Variants in PTN observed in about 807,000 individuals in gnomAD.
PTN encodes pleiotrophin.
Under a neutral mutation model 24.1 loss-of-function variants are expected in PTN, and 18 were observed. The observed-to-expected ratio is 0.75, with a 90% CI of 0.52 to 1.11. The LOEUF (loss-of-function observed/expected upper bound fraction) is 1.11. PTN is among the 50% of genes least tolerant of loss of function. The pLI, the probability that PTN is intolerant of heterozygous loss-of-function variation, is 0.00. For missense variants in PTN, 163 were observed against 198.8 expected, an observed-to-expected ratio of 0.82 and a Z score of 1.08; for synonymous variants, 78 against 68.6, an observed-to-expected ratio of 1.14 and a Z score of -0.67.
At chr7:137,292,521 C>T (rs536795703) in intron 1 of PTN, among the ~76,000 whole-genome samples, 6 of 152,290 alleles carry the variant, frequency 3.9e-5, no homozygotes, top group Admixed American at 2.0e-4. Context: ...GCTCTTCCTT[C>T]GTCTTCTGCC....
chr7:137,337,210 G>T (rs1354332256), intron 1 of PTN, among the ~76,000 whole-genome samples: 1 of 152,156 alleles, frequency 6.6e-6, no homozygotes, highest in African/African-American at 2.4e-5. Context: ...TAGGTTATTT[G>T]ACCTCTAACT....
chr7:137,296,652 G>T (rs1809722545), intron 1 of PTN, among the ~76,000 whole-genome samples: 1 of 152,016 alleles, frequency 6.6e-6, no homozygotes. Flanking sequence ...GTGGCAGGGG[G>T]TGGAGAGTAG....
intron 1 of PTN, among the ~76,000 whole-genome samples, chr7:137,272,820 T>A (rs116414203): frequency 0.016 from 2,513 of 152,334 alleles, 72 homozygotes; most frequent in African/African-American, 0.057. Flanking sequence ...ATACTGAAAG[T>A]CCACTATAGT....
chr7:137,251,982 A>C (rs1430171384), intron 3 of PTN, among the ~76,000 whole-genome samples: 1 of 151,878 alleles, frequency 6.6e-6, no homozygotes, highest in Non-Finnish European at 1.5e-5. Flanking sequence ...TACAAATAGA[A>C]CTGCTATATA....
At chr7:137,278,015 A>T (rs1809393688) in intron 1 of PTN, among the ~76,000 whole-genome samples, 1 of 152,128 alleles carries the variant, frequency 6.6e-6, no homozygotes, top group African/African-American at 2.4e-5. Context: ...TTTTTTAAAA[A>T]ATGACTACTG....
chr7:137,255,418 G>T (rs1808903995), intron 1 of PTN, among the ~76,000 whole-genome samples: 1 of 152,152 alleles, frequency 6.6e-6, no homozygotes, highest in Non-Finnish European at 1.5e-5. Context: ...GAGTAGACAT[G>T]ATGAATGAAT....
At chr7:137,331,547 C>T (rs1341695553) in intron 1 of PTN, among the ~76,000 whole-genome samples, 1 of 152,148 alleles carries the variant, frequency 6.6e-6, no homozygotes, top group African/African-American at 2.4e-5. Context: ...GCCAGTTGTT[C>T]ACTCGTCATT....
chr7:137,297,099 A>G (rs540596361), intron 1 of PTN, among the ~76,000 whole-genome samples: 1 of 152,250 alleles, frequency 6.6e-6, no homozygotes, highest in East Asian at 1.9e-4. Flanking sequence ...ACTTTGCCCA[A>G]AGAAGCTTGC....
chr7:137,342,354 C>T (rs1256411809), intron 1 of PTN, among the ~76,000 whole-genome samples: 2 of 152,120 alleles, frequency 1.3e-5, no homozygotes, highest in African/African-American at 2.4e-5. Flanking sequence ...AAGCAAAATG[C>T]CTGATAACTC....
At chr7:137,288,239 A>G (rs62487109) in intron 1 of PTN, among the ~76,000 whole-genome samples, 7,151 of 152,238 alleles carry the variant, frequency 0.047, 244 homozygotes, top group Middle Eastern at 0.075. Flanking sequence ...ATTTGCTCAG[A>G]TGAGTTAATT....
intron 1 of PTN, among the ~76,000 whole-genome samples, chr7:137,299,797 T>G (rs1023593728): frequency 1.1e-4 from 16 of 151,906 alleles, no homozygotes; most frequent in African/African-American, 3.9e-4. Context: ...GAATCAGCCC[T>G]AAAGAATTAA....
chr7:137,246,876 C>A (rs1808732358), intron 4 of PTN, among the ~76,000 whole-genome samples: 1 of 152,194 alleles, frequency 6.6e-6, no homozygotes, highest in Admixed American at 6.5e-5. Flanking sequence ...GCACTGCTTG[C>A]AAGCTGTGAA....
At chr7:137,259,423 A>G (rs139654655) in intron 1 of PTN, among the ~76,000 whole-genome samples, 194 of 152,202 alleles carry the variant, frequency 1.3e-3, no homozygotes, top group African/African-American at 4.5e-3. Context: ...TGAACAAATT[A>G]CCAAATCACA....
chr7:137,237,599 A>T (rs1256698013), intron 4 of PTN, among the ~76,000 whole-genome samples: 2 of 152,186 alleles, frequency 1.3e-5, no homozygotes, highest in Non-Finnish European at 2.9e-5. Flanking sequence ...TTAGGTGCTA[A>T]GCAATATAAG....
intron 1 of PTN, among the ~76,000 whole-genome samples, chr7:137,306,659 G>A (rs1174747848): frequency 6.6e-6 from 1 of 151,988 alleles, no homozygotes; most frequent in African/African-American, 2.4e-5. Context: ...AAATAGCTGA[G>A]TTTTCATCTT....
At chr7:137,284,625 A>G (rs563022681) in intron 1 of PTN, among the ~76,000 whole-genome samples, 1 of 152,300 alleles carries the variant, frequency 6.6e-6, no homozygotes, top group Non-Finnish European at 1.5e-5. Context: ...TTTGACAAAT[A>G]CCCTGAAAAT....
chr7:137,310,403 T>TA (rs1809961732), intron 1 of PTN, among the ~76,000 whole-genome samples: 1 of 31,460 alleles, frequency 3.2e-5, no homozygotes, highest in African/African-American at 1.8e-4. Context: ...TTTTTTTTTT[T>TA]GTTTTTTTTT....
Position 137,227,968 on chromosome 7 carries a change from T to G in PTN, c.*52A>C. The G allele has an allele frequency of 6.3e-7, 1 of 1,595,934 alleles. No individual in the cohort carries two copies. Among genetic ancestry groups the G allele is most frequent in the Non-Finnish European group, 8.5e-7 (1 of 1,172,998 alleles). On this transcript the variant is annotated 3_prime_UTR_variant, in exon 5 of 5. Coordinates refer to ENST00000348225, the MANE Select transcript of PTN (RefSeq NM_002825.7). ...CCTACGGTACATATAAATGCAATAGTTAACTGATCCTGTTTGCTGATGTCC... is the reference window on the plus strand; with the variant it reads ...CCTACGGTACATATAAATGCAATAGGTAACTGATCCTGTTTGCTGATGTCC...
intron 1 of PTN, among the ~76,000 whole-genome samples, chr7:137,320,651 A>T (rs541103756): frequency 6.6e-6 from 1 of 152,328 alleles, no homozygotes; most frequent in Admixed American, 6.5e-5. Context: ...TTAAAAAAGG[A>T]TTCCAAATAC....
Sources: allele counts gnomAD v4.1 joint callset (sites outside exome capture counted in the v4.1 genomes callset), GRCh38; gene constraint gnomAD v4.1.1; transcripts MANE v1.5; gene names NCBI Gene and HGNC (gene_info 2026-07-23, HGNC 2026-07-21).